RDH11: variants seen among roughly 807,000 people sequenced by gnomAD.
RDH11 encodes HCV core-binding protein HCBP12.
In RDH11, 19 loss-of-function variants were observed where a neutral mutation model predicts 33.4. That is an observed-to-expected ratio of 0.57 (90% CI 0.40 to 0.83). The LOEUF is 0.83. Among genes scored for constraint, RDH11 ranks in the 40% least tolerant of loss-of-function variants. RDH11 has a pLI of 0.00. For missense variants in RDH11, 353 were observed against 389.0 expected, an observed-to-expected ratio of 0.91 and a Z score of 0.78; for synonymous variants, 154 against 155.3, an observed-to-expected ratio of 0.99 and a Z score of 0.06.
At chr14:67,688,911 C>T (rs921264659) in intron 5 of RDH11, among the ~76,000 whole-genome samples, 1 of 152,172 alleles carries the variant, frequency 6.6e-6, no homozygotes, top group Non-Finnish European at 1.5e-5. Context: ...TAACCCAGTG[C>T]ACGGAACAAC....
chr14:67,686,907 A>G (rs1358572113), intron 5 of RDH11, among the ~76,000 whole-genome samples: 2 of 152,160 alleles, frequency 1.3e-5, no homozygotes, highest in Non-Finnish European at 2.9e-5. Context: ...TTGTGGACTG[A>G]CAGCTGCAGA....
intron 1 of RDH11, among the ~76,000 whole-genome samples, 158 bp downstream of exon 1, chr14:67,695,472 G>A (rs1413965755): frequency 2.0e-5 from 3 of 152,238 alleles, no homozygotes; most frequent in Non-Finnish European, 4.4e-5. Context: ...CTGGCACCCA[G>A]GACAGCTGGA....
At position 67,678,064 on chromosome 14, in the gene RDH11, A is replaced by G; in HGVS notation, c.*257T>C. The G allele has an allele frequency of 2.7e-6, 1 of 370,876 alleles. No homozygotes were observed. 23.0% of individuals were successfully genotyped at this position (370,876 alleles called of 1,614,324 possible). The stretch of plus-strand genomic sequence containing the variant: ...AGAAGGAAAATGAGCTGTGCAGGTC[A>G]TATGAGGGTCTTCTTATCCTATTAT... On this transcript the variant is annotated 3_prime_UTR_variant, in exon 7 of 7. Coordinates refer to ENST00000381346, the MANE Select transcript of RDH11 (RefSeq NM_016026.4).
At position 67,678,368 on chromosome 14, in the gene RDH11, G is replaced by T. The variant is rs367742687; in HGVS notation, c.910C>A (p.Arg304=). The T allele has an allele frequency of 2.5e-6, 4 of 1,614,004 alleles. No individual in the cohort carries two copies. Among genetic ancestry groups the T allele is most frequent in the Non-Finnish European group, 3.4e-6 (4 of 1,179,908 alleles). ...AQARNETIAR[R]LWDVSCDLLG... is the part of the protein sequence containing the mutation. ...AGGTCACAACTGACGTCCCACAGCCGCCTTGCTATAGTCTCATTACGAGCT... is the reference window on the plus strand; with the variant it reads ...AGGTCACAACTGACGTCCCACAGCCTCCTTGCTATAGTCTCATTACGAGCT... Residue 304 remains arginine (R), a synonymous_variant, in exon 7 of 7, where the codon CGG becomes AGG. Coordinates refer to ENST00000381346, the MANE Select transcript of RDH11 (RefSeq NM_016026.4).
At chr14:67,678,691 T>A (rs1466124952) in intron 6 of RDH11, among the ~76,000 whole-genome samples, 2 of 152,180 alleles carry the variant, frequency 1.3e-5, no homozygotes, top group Non-Finnish European at 2.9e-5. Context: ...ATTCCCCTAT[T>A]TATATAATTT....
At chr14:67,694,615 T>C (rs1056016698) in intron 1 of RDH11, among the ~76,000 whole-genome samples, 1 of 151,504 alleles carries the variant, frequency 6.6e-6, no homozygotes. Flanking sequence ...GAGGATCTTG[T>C]AGTGAAAAAA....
At chr14:67,679,454 A>C (rs979396992) in intron 6 of RDH11, among the ~76,000 whole-genome samples, 2 of 144,348 alleles carry the variant, frequency 1.4e-5, no homozygotes, top group African/African-American at 5.3e-5. Context: ...CCCAGGCTGG[A>C]GTGCAGTGAT....
intron 1 of RDH11, among the ~76,000 whole-genome samples, chr14:67,693,529 A>G (rs2037781907): frequency 6.6e-6 from 1 of 151,270 alleles, no homozygotes; most frequent in South Asian, 2.1e-4. Context: ...AAAAAAAAAC[A>G]CACCCACACG....
At chr14:67,680,978 T>C (rs1055586891) in intron 6 of RDH11, among the ~76,000 whole-genome samples, 3 of 152,204 alleles carry the variant, frequency 2.0e-5, no homozygotes, top group African/African-American at 4.8e-5. Context: ...TTATGGTCAA[T>C]TGATTTTTGA....
chr14:67,691,262 T>C lies in RDH11; in HGVS notation c.350-18A>G, dbSNP rs370191726. On this transcript the variant is annotated intron_variant, in intron 3 of 6. Coordinates refer to ENST00000381346, the MANE Select transcript of RDH11 (RefSeq NM_016026.4). The stretch of plus-strand genomic sequence containing the variant: ...CTTTTCCTCTGCAGGGACAAGACGA[T>C]GGAGCGTGGAAGTGGCTAGCCAAGG... 34 of 1,588,478 alleles carry C rather than the reference T, an allele frequency of 2.1e-5. No homozygotes were observed. The Admixed American group carries it at 3.3e-4, about 16-fold the overall frequency.
At chr14:67,681,152 G>A (rs2037611035) in intron 6 of RDH11, among the ~76,000 whole-genome samples, 1 of 152,178 alleles carries the variant, frequency 6.6e-6, no homozygotes, top group South Asian at 2.1e-4. Context: ...ATAAAAAGAG[G>A]AAGAGACACC....
rs1375256817 is a variant in RDH11, at chr14:67,677,823, C to CT, written c.*497dup. 2.0e-5 allele frequency: 3 copies of CT among 153,064 alleles called. No homozygotes were observed. The highest frequency in any genetic ancestry group is 6.5e-5 in the Admixed American group (1 of 15,356). The allele number at this position is 153,064 out of a possible 1,614,324, so 9.5% of individuals were successfully genotyped here. ...GTTTCACCATGTTGGCCAGGCTGGT[C>CT]TTGAACTACTGACCTCCGGTGATCC... On this transcript the variant is annotated 3_prime_UTR_variant, in exon 7 of 7. Transcript: ENST00000381346.
intron 5 of RDH11, among the ~76,000 whole-genome samples, chr14:67,687,310 G>T (rs1273886453): frequency 6.6e-6 from 1 of 152,092 alleles, no homozygotes; most frequent in Non-Finnish European, 1.5e-5. Context: ...GCCTCTAAGG[G>T]TTTGGCATCT....
chr14:67,695,526 G>T, intron 1 of RDH11, 104 bp downstream of exon 1: 1 of 1,140,444 alleles, frequency 8.8e-7, no homozygotes, highest in Non-Finnish European at 1.2e-6. Flanking sequence ...CCATCTTGGA[G>T]CCCCCCCAGG....
rs1180082637 is a variant in RDH11, at chr14:67,693,009, G to A, written c.118C>T (p.Pro40Ser). The A allele has an allele frequency of 6.2e-7, 1 of 1,614,066 alleles. No individual in the cohort carries two copies. Among genetic ancestry groups the A allele is most frequent in the Non-Finnish European group, 8.5e-7 (1 of 1,179,980 alleles). ...SGVCTSTVQL[P>S]GKVVVVTGAN... ...CCTGTGACCACAACTACTTTCCCAG[G>A]AAGCTGAACAGTTGATGTACACACC... The change falls in exon 2 of 7, where the codon CCT (proline) becomes TCT (serine). Residue 40 changes from proline to serine, a missense_variant. Coordinates refer to ENST00000381346, the MANE Select transcript of RDH11 (RefSeq NM_016026.4).
intron 4 of RDH11, chr14:67,690,813 T>G: frequency 2.7e-6 from 1 of 370,116 alleles, no homozygotes; most frequent in Non-Finnish European, 4.9e-6. Context: ...CAAGACCCTG[T>G]CTTTACAAAA....
intron 6 of RDH11, among the ~76,000 whole-genome samples, chr14:67,681,139 CT>C (rs1352936375): frequency 6.6e-6 from 1 of 152,016 alleles, no homozygotes; most frequent in African/African-American, 2.4e-5. Context: ...CCAACAGGGC[CT>C]TATAAAAAGA....
chr14:67,681,614 T>G (rs1317367054), intron 6 of RDH11, among the ~76,000 whole-genome samples: 2 of 152,114 alleles, frequency 1.3e-5, no homozygotes, highest in Non-Finnish European at 2.9e-5. Context: ...AAACCCCATC[T>G]CTACTAAAAA....
At chr14:67,685,786 T>G (rs1485796836) in intron 5 of RDH11, among the ~76,000 whole-genome samples, 1 of 151,964 alleles carries the variant, frequency 6.6e-6, no homozygotes, top group East Asian at 1.9e-4. Flanking sequence ...AGGCTAATTT[T>G]TGTATTTTTA....
Sources: gnomAD v4.1 joint callset for allele counts (sites outside exome capture counted in the v4.1 genomes callset) on GRCh38, gnomAD v4.1.1 for gene constraint, MANE v1.5 for transcripts, NCBI Gene and HGNC (gene_info 2026-07-23, HGNC 2026-07-21) for gene names.